The following DOCK4 variants were observed in gnomAD, a reference collection of about 807,000 sequenced individuals.
DOCK4 encodes the protein dedicator of cytokinesis protein 4.
DOCK4 carries 97 observed loss-of-function variants against 268.1 expected under a neutral mutation model. The ratio of observed to expected loss-of-function variants is 0.36; its 90% CI spans 0.31 to 0.43. The LOEUF (loss-of-function observed/expected upper bound fraction) is 0.43. Ranked by LOEUF, DOCK4 falls within the 20% of genes least tolerant of loss-of-function variation. The pLI, the probability that DOCK4 is intolerant of heterozygous loss-of-function variation, is 1.00. For synonymous variants in DOCK4, 954 were observed against 887.2 expected (o/e 1.08, Z -1.34); for missense variants, 2,145 against 2,455.7 (o/e 0.87, Z 2.67).
intron 1 of DOCK4, among the ~76,000 whole-genome samples, chr7:112,108,890 G>A (rs1008872731): frequency 5.3e-5 from 8 of 152,068 alleles, no homozygotes; most frequent in Non-Finnish European, 1.0e-4. Flanking sequence ...GGATTTTGGC[G>A]AGACCCCTTA....
At chr7:111,876,921 T>C in intron 17 of DOCK4, 109 bp downstream of exon 17, 1 of 1,064,062 alleles carries the variant, frequency 9.4e-7, no homozygotes, top group East Asian at 3.2e-5. Flanking sequence ...GAAGGATCAA[T>C]AATTTTTCTA....
intron 1 of DOCK4, among the ~76,000 whole-genome samples, chr7:112,166,430 A>T (rs367574774): frequency 3.1e-4 from 47 of 152,292 alleles, no homozygotes; most frequent in African/African-American, 1.1e-3. Flanking sequence ...CCTCCTGTCC[A>T]CTATTATTCT....
At chr7:111,844,638 T>C (rs1803949229) in intron 25 of DOCK4, 125 bp downstream of exon 25, 2 of 1,265,792 alleles carry the variant, frequency 1.6e-6, no homozygotes, top group Admixed American at 2.7e-5. Flanking sequence ...CCTCATATGA[T>C]TTTGAAATGC....
chr7:112,130,663 G>T (rs1813718509), intron 1 of DOCK4, among the ~76,000 whole-genome samples: 1 of 152,192 alleles, frequency 6.6e-6, no homozygotes, highest in South Asian at 2.1e-4. Flanking sequence ...CTCTGAGTAT[G>T]TGCCTTCTCA....
chr7:111,983,835 TAC>T (rs1203628305), intron 7 of DOCK4, among the ~76,000 whole-genome samples: 22 of 113,328 alleles, frequency 1.9e-4, no homozygotes, highest in South Asian at 5.9e-4. Flanking sequence ...ATTATGTATG[TAC>T]ACACACACGC....
intron 1 of DOCK4, among the ~76,000 whole-genome samples, chr7:112,053,936 C>T (rs922200686): frequency 6.6e-6 from 1 of 152,124 alleles, no homozygotes. Context: ...CAGGAGGTCT[C>T]CCCTGAGCTT....
intron 8 of DOCK4, among the ~76,000 whole-genome samples, chr7:111,974,971 T>C (rs1798053729): frequency 6.6e-6 from 1 of 152,148 alleles, no homozygotes; most frequent in African/African-American, 2.4e-5. Context: ...ACAAAAACTT[T>C]AGCTTAACAG....
intron 1 of DOCK4, among the ~76,000 whole-genome samples, chr7:112,122,757 T>C (rs1202133796): frequency 6.6e-6 from 1 of 152,250 alleles, no homozygotes; most frequent in Non-Finnish European, 1.5e-5. Context: ...TTATAAAGAC[T>C]AGTTTTTTTG....
At chr7:112,099,776 T>A (rs1218158578) in intron 1 of DOCK4, among the ~76,000 whole-genome samples, 1 of 152,172 alleles carries the variant, frequency 6.6e-6, no homozygotes, top group Non-Finnish European at 1.5e-5. Flanking sequence ...ACATAGAAGA[T>A]AAAACTACCC....
intron 1 of DOCK4, among the ~76,000 whole-genome samples, chr7:112,066,334 C>A (rs1241743898): frequency 6.6e-6 from 1 of 151,976 alleles, no homozygotes; most frequent in Non-Finnish European, 1.5e-5. Context: ...TCAGCCTGAG[C>A]CTTCCTGGTT....
intron 12 of DOCK4, among the ~76,000 whole-genome samples, chr7:111,931,793 T>G (rs1001948720): frequency 1.3e-5 from 2 of 152,176 alleles, no homozygotes; most frequent in African/African-American, 2.4e-5. Context: ...ACAATAATAA[T>G]AGCTAACATT....
intron 39 of DOCK4, among the ~76,000 whole-genome samples, chr7:111,764,654 G>A (rs903701484): frequency 6.6e-6 from 1 of 152,060 alleles, no homozygotes; most frequent in African/African-American, 2.4e-5. Flanking sequence ...GCAATAAATT[G>A]GGTCTCTTTG....
At chr7:112,054,863 T>C (rs553154109) in intron 1 of DOCK4, among the ~76,000 whole-genome samples, 1 of 152,312 alleles carries the variant, frequency 6.6e-6, no homozygotes, top group East Asian at 1.9e-4. Flanking sequence ...ACACTTAATA[T>C]AGAAAGTTAA....
intron 8 of DOCK4, among the ~76,000 whole-genome samples, chr7:111,950,629 C>T (rs1795982520): frequency 6.6e-6 from 1 of 152,174 alleles, no homozygotes. Flanking sequence ...ACTCAAATAA[C>T]TGGAAAGTTT....
chr7:112,087,629 G>C (rs1006359930), intron 1 of DOCK4, among the ~76,000 whole-genome samples: 2 of 151,790 alleles, frequency 1.3e-5, no homozygotes, highest in Non-Finnish European at 2.9e-5. Context: ...TTGAAGAAAA[G>C]AAAAAAAGAT....
At chr7:112,172,994 T>A (rs1818209734) in intron 1 of DOCK4, among the ~76,000 whole-genome samples, 1 of 152,182 alleles carries the variant, frequency 6.6e-6, no homozygotes, top group African/African-American at 2.4e-5. Context: ...GAAATAAGCT[T>A]AATCACGTCG....
intron 1 of DOCK4, among the ~76,000 whole-genome samples, chr7:112,185,050 C>G (rs1383250067): frequency 6.6e-6 from 1 of 152,174 alleles, no homozygotes; most frequent in Non-Finnish European, 1.5e-5. Flanking sequence ...ACCCTTCCCA[C>G]ACTTAAAAGA....
intron 37 of DOCK4, among the ~76,000 whole-genome samples, chr7:111,769,168 C>T (rs948234212): frequency 1.3e-5 from 2 of 152,096 alleles, no homozygotes; most frequent in Non-Finnish European, 2.9e-5. Context: ...TTGCTAAAGC[C>T]GCCACGAATG....
rs57929541 is a variant in DOCK4 at position 111,983,844 on chromosome 7, ACGCGCGCGCGCG to A, written c.549+450_549+461del. Among the ~76,000 whole-genome samples the A allele has an allele frequency of 3.7e-3, 518 of 138,982 alleles. 5 individuals carry two copies. Among genetic ancestry groups the A allele is most frequent in the African/African-American group, 0.014 (487 of 34,676 alleles). The allele number at this position is 138,982 out of a possible 152,430, so 91.2% of individuals were successfully genotyped here. ...AGTGCTATTATGTATGTACACACAC[ACGCGCGCGCGCG>A]CGCGCGCACACACACACACACACAC... On this transcript the variant is annotated intron_variant, in intron 7 of 52. Coordinates refer to ENST00000428084, the MANE Select transcript of DOCK4 (RefSeq NM_001363540.2).
Sources: allele counts gnomAD v4.1 joint callset (sites outside exome capture counted in the v4.1 genomes callset), GRCh38; gene constraint gnomAD v4.1.1; transcripts MANE v1.5; gene names NCBI Gene and HGNC (gene_info 2026-07-23, HGNC 2026-07-21).